CHRDL1: variants seen among roughly 807,000 people sequenced by gnomAD.
CHRDL1 encodes chordin like 1, also known as chordin-like protein 1.
A neutral mutation model predicts 40.9 loss-of-function variants in CHRDL1; 19 were observed. That is an observed-to-expected ratio of 0.46 (90% CI 0.32 to 0.68). CHRDL1 has a LOEUF of 0.68. Ranked by LOEUF, CHRDL1 falls within the 30% of genes least tolerant of loss-of-function variation. The probability of loss-of-function intolerance (pLI) is 0.03; values close to 1 mark genes in which losing one functional copy is unlikely to be tolerated. For missense variants in CHRDL1, 329 were observed against 352.1 expected (o/e 0.93, Z 0.53); for synonymous variants, 136 against 123.4 (o/e 1.10, Z -0.68).
chrX:110,739,093 T>C (rs949264031), intron 4 of CHRDL1, among the ~76,000 whole-genome samples: 3 of 111,943 alleles, frequency 2.7e-5, no homozygotes, highest in Non-Finnish European at 5.6e-5. Context: ...ACTGGCAAAA[T>C]TGCATTTATC....
rs2069737953 is a variant in CHRDL1 at position 110,674,600 on chromosome X, AC to A, written c.*1630del. On this transcript the variant is annotated 3_prime_UTR_variant, in exon 12 of 12. Coordinates refer to ENST00000372042, the MANE Select transcript of CHRDL1 (RefSeq NM_001143981.2). Reference sequence around the variant, plus strand: ...GCTGGTGAGAGTCTTGTCCCAAGAAACCCTGGCCATAAGGCCCTTGTGTCTC... The same window carrying A: ...GCTGGTGAGAGTCTTGTCCCAAGAAACCTGGCCATAAGGCCCTTGTGTCTC... 1 of 111,732 alleles carries A rather than the reference AC, an allele frequency of 8.9e-6. No individual in the cohort carries two copies. The highest frequency in any genetic ancestry group is 1.9e-5 in the Non-Finnish European group (1 of 53,096). The allele number at this position is 111,732 out of a possible 1,213,427, so 9.2% of individuals were successfully genotyped here. A position where few individuals can be genotyped will look rare whatever the true frequency, so the allele number is the denominator to read the frequency against.
chrX:110,720,423 G>A (rs756285398), intron 5 of CHRDL1, among the ~76,000 whole-genome samples: 1 of 112,067 alleles, frequency 8.9e-6, no homozygotes, highest in African/African-American at 3.2e-5. Context: ...TCTAGCACAA[G>A]GCAAGGGAGA....
intron 2 of CHRDL1, among the ~76,000 whole-genome samples, chrX:110,790,326 A>G (rs2090078565): frequency 1.8e-5 from 2 of 112,330 alleles, no homozygotes; most frequent in African/African-American, 6.5e-5. Context: ...CACCAATTGA[A>G]TATCAAAAGG....
intron 2 of CHRDL1, among the ~76,000 whole-genome samples, chrX:110,765,284 C>G (rs763890680): frequency 1.8e-5 from 2 of 111,859 alleles, no homozygotes; most frequent in African/African-American, 6.5e-5. Flanking sequence ...TGTAAAATTC[C>G]TCTCTTTGTA....
At chrX:110,694,838 T>C (rs902746122) in intron 7 of CHRDL1, among the ~76,000 whole-genome samples, 2 of 111,685 alleles carry the variant, frequency 1.8e-5, no homozygotes, top group Non-Finnish European at 3.8e-5. Context: ...TTAAGTGGAA[T>C]AGTCCAGGCA....
At chrX:110,715,459 C>T (rs1035207975) in intron 6 of CHRDL1, among the ~76,000 whole-genome samples, 4 of 111,582 alleles carry the variant, frequency 3.6e-5, no homozygotes, top group African/African-American at 9.8e-5. Flanking sequence ...TAGCACTCTA[C>T]GCCATCTCAG....
At chrX:110,709,292 G>A (rs1443497627) in intron 6 of CHRDL1, among the ~76,000 whole-genome samples, 2 of 111,913 alleles carry the variant, frequency 1.8e-5, no homozygotes, top group Admixed American at 1.9e-4. Flanking sequence ...TCTCCTCAAG[G>A]GTAGCTTACA....
chrX:110,789,201 G>A (rs1239448058), intron 2 of CHRDL1, among the ~76,000 whole-genome samples: 2 of 111,367 alleles, frequency 1.8e-5, no homozygotes, highest in African/African-American at 6.5e-5. Flanking sequence ...GTACATAATC[G>A]AAAAGATGCT....
At chrX:110,729,376 T>C (rs16986107) in intron 4 of CHRDL1, among the ~76,000 whole-genome samples, 11,955 of 109,310 alleles carry the variant, frequency 0.11, 1,701 homozygotes, top group African/African-American at 0.38. Flanking sequence ...CTTGATGTGA[T>C]GACTTAACTA....
chrX:110,709,113 T>C (rs940968355), intron 6 of CHRDL1, among the ~76,000 whole-genome samples: 1 of 112,560 alleles, frequency 8.9e-6, no homozygotes, highest in Non-Finnish European at 1.9e-5. Flanking sequence ...AGTTTCCTTA[T>C]TGCTAAAATG....
At chrX:110,764,566 T>A (rs1306196793) in intron 2 of CHRDL1, among the ~76,000 whole-genome samples, 1 of 111,974 alleles carries the variant, frequency 8.9e-6, no homozygotes, top group Non-Finnish European at 1.9e-5. Flanking sequence ...ACATGTGGGT[T>A]TGAACAATAT....
intron 9 of CHRDL1, among the ~76,000 whole-genome samples, chrX:110,687,502 G>A (rs5942677): frequency 0.49 from 53,773 of 110,755 alleles, 11,242 homozygotes; most frequent in African/African-American, 0.79. Flanking sequence ...AGTCATGAGG[G>A]ACTAAGTTGA....
rs751776316 is a variant in CHRDL1 at position 110,744,072 on chromosome X, T to C, written c.301+15589A>G. 4.4e-5 allele frequency among the ~76,000 whole-genome samples: 5 copies of C among 112,695 alleles called. No individual in the cohort carries two copies. The South Asian group carries it at 1.8e-3, about 42-fold the overall frequency. ...AGTGTCATAACACAGAGAGTGTTAATGGCTGCTATTTTAACAATCTAAACT... is the reference window on the plus strand; with the variant it reads ...AGTGTCATAACACAGAGAGTGTTAACGGCTGCTATTTTAACAATCTAAACT... On this transcript the variant is annotated intron_variant, in intron 4 of 11. Transcript: ENST00000372042.
chrX:110,716,067 T>C (rs1399699351), intron 6 of CHRDL1, among the ~76,000 whole-genome samples: 1 of 112,410 alleles, frequency 8.9e-6, no homozygotes, highest in African/African-American at 3.2e-5. Context: ...AAATAGCATA[T>C]TAAAAGGGAT....
chrX:110,685,053 T>A (rs1461701304), intron 9 of CHRDL1, among the ~76,000 whole-genome samples: 1 of 112,048 alleles, frequency 8.9e-6, no homozygotes, highest in Non-Finnish European at 1.9e-5. Flanking sequence ...TGGAGGGCAG[T>A]TTTTTACATG....
At chrX:110,756,479 C>G (rs1424247421) in intron 4 of CHRDL1, among the ~76,000 whole-genome samples, 1 of 110,448 alleles carries the variant, frequency 9.1e-6, no homozygotes, top group African/African-American at 3.4e-5. Flanking sequence ...CACTGATTGT[C>G]CAAGTTAGGC....
rs1354181403 is a variant in CHRDL1 at position 110,676,102 on chromosome X, A to G, written c.*129T>C. 51 of 646,164 alleles carry G rather than the reference A, an allele frequency of 7.9e-5. 1 individual carries two copies. In the South Asian group the frequency reaches 1.4e-3, roughly 18 times the overall value. 53.3% of individuals were successfully genotyped at this position (646,164 alleles called of 1,213,427 possible). A position where few individuals can be genotyped will look rare whatever the true frequency, so the allele number is the denominator to read the frequency against. On this transcript the variant is annotated 3_prime_UTR_variant, in exon 12 of 12. Coordinates refer to ENST00000372042, the MANE Select transcript of CHRDL1 (RefSeq NM_001143981.2). ...CACAAAGGAGCAAATTATGCTGTGC[A>G]TGGCGTGAATAATTGACTGCATTTG...
intron 4 of CHRDL1, among the ~76,000 whole-genome samples, chrX:110,744,159 A>C (rs5943061): frequency 0.27 from 29,670 of 111,384 alleles, 3,254 homozygotes; most frequent in African/African-American, 0.38. Context: ...ATTTTTAAAA[A>C]ATCAAATAAA....
At chrX:110,731,221 G>A (rs1230242158) in intron 4 of CHRDL1, among the ~76,000 whole-genome samples, 1 of 111,360 alleles carries the variant, frequency 9.0e-6, no homozygotes, top group Non-Finnish European at 1.9e-5. Flanking sequence ...GAATACACAA[G>A]ACTGGAACTA....
Sources: allele counts gnomAD v4.1 joint callset (sites outside exome capture counted in the v4.1 genomes callset), GRCh38; gene constraint gnomAD v4.1.1; transcripts MANE v1.5; gene names NCBI Gene and HGNC (gene_info 2026-07-23, HGNC 2026-07-21).